METTL16: variants seen among roughly 807,000 people sequenced by gnomAD.
The protein encoded by METTL16 is RNA N(6)-adenosine-methyltransferase METTL16.
METTL16 carries 19 observed loss-of-function variants against 57.9 expected under a neutral mutation model. The observed-to-expected ratio is 0.33, with a 90% CI of 0.23 to 0.48. The LOEUF (loss-of-function observed/expected upper bound fraction) is 0.48. Among genes scored for constraint, METTL16 ranks in the 20% least tolerant of loss-of-function variants. The pLI, the probability that METTL16 is intolerant of heterozygous loss-of-function variation, is 0.99. For synonymous variants in METTL16, 246 were observed against 255.6 expected (o/e 0.96, Z 0.36); for missense variants, 434 against 691.5 (o/e 0.63, Z 4.18).
At chr17:2,461,842 G>A (rs1397148057) in intron 6 of METTL16, among the ~76,000 whole-genome samples, 2 of 152,128 alleles carry the variant, frequency 1.3e-5, no homozygotes, top group East Asian at 3.8e-4. Flanking sequence ...GTCTCCCAGA[G>A]TGCTGGGATT....
At chr17:2,485,960 T>C (rs1026101191) in intron 2 of METTL16, among the ~76,000 whole-genome samples, 2 of 152,042 alleles carry the variant, frequency 1.3e-5, no homozygotes, top group South Asian at 4.2e-4. Flanking sequence ...GAACTGACAA[T>C]GGAAGAAAAA....
At chr17:2,437,793 G>A (rs1005728017) in intron 8 of METTL16, among the ~76,000 whole-genome samples, 1 of 152,116 alleles carries the variant, frequency 6.6e-6, no homozygotes, top group Non-Finnish European at 1.5e-5. Context: ...CAAGTTATCC[G>A]CCCAGCTCGG....
intron 5 of METTL16, among the ~76,000 whole-genome samples, 179 bp downstream of exon 5, chr17:2,467,582 C>T (rs1056016001): frequency 6.6e-6 from 1 of 152,132 alleles, no homozygotes; most frequent in African/African-American, 2.4e-5. Context: ...TGGGCCATGA[C>T]GCCTGGCTAA....
chr17:2,447,774 C>T (rs1354487027), intron 6 of METTL16, among the ~76,000 whole-genome samples: 567 of 73,760 alleles, frequency 7.7e-3, no homozygotes, highest in Admixed American at 8.4e-3. Context: ...GCCCCCCGCC[C>T]GGCCAGCCGC....
intron 7 of METTL16, among the ~76,000 whole-genome samples, 181 bp downstream of exon 7, chr17:2,441,309 G>A (rs1420062028): frequency 7.2e-5 from 11 of 152,138 alleles, no homozygotes; most frequent in African/African-American, 1.2e-4. Flanking sequence ...GTGGGAGACC[G>A]GGTGACGGGA....
intron 6 of METTL16, among the ~76,000 whole-genome samples, chr17:2,461,292 C>A (rs562975282): frequency 6.6e-6 from 1 of 152,214 alleles, no homozygotes; most frequent in East Asian, 1.9e-4. Flanking sequence ...GGGAAGCAGA[C>A]AGAGGCTGCA....
At chr17:2,431,666 T>C (rs763192976) in intron 8 of METTL16, among the ~76,000 whole-genome samples, 13 of 152,128 alleles carry the variant, frequency 8.5e-5, no homozygotes, top group Non-Finnish European at 1.6e-4. Context: ...TGCTTTTCAT[T>C]TGCAGTTCTC....
intron 2 of METTL16, among the ~76,000 whole-genome samples, chr17:2,483,760 A>G (rs2067323008): frequency 6.6e-6 from 1 of 152,246 alleles, no homozygotes; most frequent in Non-Finnish European, 1.5e-5. Context: ...AAAATCTATA[A>G]GCACTTCAGT....
chr17:2,475,622 C>T (rs142411048), intron 3 of METTL16, among the ~76,000 whole-genome samples: 55 of 152,298 alleles, frequency 3.6e-4, no homozygotes, highest in African/African-American at 1.2e-3. Context: ...TCTAATAGAA[C>T]GCAACAGATT....
intron 8 of METTL16, among the ~76,000 whole-genome samples, chr17:2,428,847 T>C (rs1461210945): frequency 6.6e-6 from 1 of 151,924 alleles, no homozygotes; most frequent in Non-Finnish European, 1.5e-5. Context: ...CAACTCATTG[T>C]TTTTATTTAT....
chr17:2,420,930 AGAG>A lies in METTL16; in HGVS notation c.889-29_889-27del, dbSNP rs2066761064. On this transcript the variant is annotated intron_variant, in intron 8 of 9. Coordinates refer to ENST00000263092, the MANE Select transcript of METTL16 (RefSeq NM_024086.4). This position sits in a 1 kb window ranked among gnomAD's most constrained non-coding sequence, Gnocchi z 5.4. ...CTGCAAGAAAAAGGAAGCATAGAAA[AGAG>A]AAGAAAGTTATCCGAATAATTAAAC... The A allele has an allele frequency of 6.2e-7, 1 of 1,603,258 alleles. No individual in the cohort carries two copies. The highest frequency in any genetic ancestry group is 1.4e-5 in the African/African-American group (1 of 74,000).
chr17:2,493,794 A>C (rs1459724209), intron 2 of METTL16, among the ~76,000 whole-genome samples: 1 of 151,918 alleles, frequency 6.6e-6, no homozygotes, highest in African/African-American at 2.4e-5. Flanking sequence ...CTCCTACCTA[A>C]GCAGGAAGGG....
Position 2,416,961 on chromosome 17 carries a change from G to A in METTL16, c.*3009C>T, listed in dbSNP as rs2066721263. Reference sequence around the variant, plus strand: ...AATATTTTCAATGTTCTCTCACTAGGTAGCCTAAGAAAATCTTCTCAGGGA... The same window carrying A: ...AATATTTTCAATGTTCTCTCACTAGATAGCCTAAGAAAATCTTCTCAGGGA... On this transcript the variant is annotated 3_prime_UTR_variant, in exon 10 of 10. Coordinates refer to ENST00000263092, the MANE Select transcript of METTL16 (RefSeq NM_024086.4). The A allele has an allele frequency of 6.6e-6, 1 of 150,734 alleles. No homozygotes were observed. The highest frequency in any genetic ancestry group is 2.1e-4 in the South Asian group (1 of 4,770). The allele number at this position is 150,734 out of a possible 1,614,324, so 9.3% of individuals were successfully genotyped here. A position where few individuals can be genotyped will look rare whatever the true frequency, so the allele number is the denominator to read the frequency against.
At position 2,421,027 on chromosome 17, in the gene METTL16, C is replaced by T. The variant is rs142332348; in HGVS notation, c.889-123G>A. 2.8e-6 allele frequency: 3 copies of T among 1,087,218 alleles called. 1 individual carries two copies. The East Asian group carries it at 7.1e-5, about 26-fold the overall frequency. The allele number at this position is 1,087,218 out of a possible 1,614,324, so 67.3% of individuals were successfully genotyped here. A position where few individuals can be genotyped will look rare whatever the true frequency, so the allele number is the denominator to read the frequency against. ...GCTACCAATCATAGAGCACTGAAAA[C>T]ACAAAGGGTTTTGTGTGTGTTATGT... On this transcript the variant is annotated intron_variant, in intron 8 of 9. Coordinates refer to ENST00000263092, the MANE Select transcript of METTL16 (RefSeq NM_024086.4).
In METTL16 at chr17:2,510,838, AT is replaced by A. The variant is rs150391889; in HGVS notation, c.-1+920del. 9.2e-3 allele frequency among the ~76,000 whole-genome samples: 1,397 copies of A among 151,980 alleles called. 14 individuals carry two copies. Among genetic ancestry groups the A allele is most frequent in the African/African-American group, 0.031 (1,267 of 41,432 alleles). On this transcript the variant is annotated intron_variant, in intron 1 of 9. Coordinates refer to ENST00000263092, the MANE Select transcript of METTL16 (RefSeq NM_024086.4). Reference sequence around the variant, plus strand: ...GCACTGCACCTGGTTAATTTACTTCATTTTTTGTAGAAAGGGAGTCTGGCTT... The same window carrying A: ...GCACTGCACCTGGTTAATTTACTTCATTTTTGTAGAAAGGGAGTCTGGCTT...
At chr17:2,498,419 G>GCAAAA (rs1465694016) in intron 2 of METTL16, among the ~76,000 whole-genome samples, 9 of 150,520 alleles carry the variant, frequency 6.0e-5, no homozygotes, top group Non-Finnish European at 1.2e-4. Context: ...TCCAAACAAT[G>GCAAAA]CAAAACAAAA....
At chr17:2,464,160 T>C in intron 6 of METTL16, 48 bp downstream of exon 6, 1 of 1,571,768 alleles carries the variant, frequency 6.4e-7, no homozygotes, top group Non-Finnish European at 8.6e-7. Context: ...AGCGGGTAAA[T>C]ATTCCTGTGT....
intron 4 of METTL16, 69 bp from the exon 5 acceptor site, chr17:2,467,945 G>A: frequency 9.6e-7 from 1 of 1,038,082 alleles, no homozygotes; most frequent in South Asian, 1.3e-5. Context: ...ACCGCGCACT[G>A]CGTAATGATT....
chr17:2,475,028 AC>A (rs976055235), intron 3 of METTL16, among the ~76,000 whole-genome samples: 2 of 151,982 alleles, frequency 1.3e-5, no homozygotes, highest in African/African-American at 4.8e-5. Flanking sequence ...TCTACCAGCC[AC>A]TCTAGGCCTG....
Sources: gnomAD v4.1 joint callset for allele counts (sites outside exome capture counted in the v4.1 genomes callset) on GRCh38, gnomAD v4.1.1 for gene constraint, Gnocchi (gnomAD v3.1) non-coding constraint, MANE v1.5 for transcripts, NCBI Gene and HGNC (gene_info 2026-07-23, HGNC 2026-07-21) for gene names.